The following DDX42 variants were observed in gnomAD, a reference collection of about 807,000 sequenced individuals.
DDX42 encodes the protein DEAD-box helicase 42, also known as ATP-dependent RNA helicase DDX42.
A neutral mutation model predicts 101.5 loss-of-function variants in DDX42; 22 were observed. The ratio of observed to expected loss-of-function variants is 0.22; its 90% CI spans 0.15 to 0.31. The LOEUF (loss-of-function observed/expected upper bound fraction) is 0.31. DDX42 is among the 10% of genes least tolerant of loss of function. The probability of loss-of-function intolerance (pLI) is 1.00; values close to 1 mark genes in which losing one functional copy is unlikely to be tolerated. For missense variants in DDX42, 849 were observed against 1,199.9 expected (o/e 0.71, Z 4.32); for synonymous variants, 402 against 401.2 (o/e 1.00, Z -0.02).
intron 3 of DDX42, among the ~76,000 whole-genome samples, chr17:63,794,874 T>A (rs945120753): frequency 2.0e-5 from 3 of 151,052 alleles, no homozygotes; most frequent in Non-Finnish European, 2.9e-5. Context: ...AGGCAGAGGT[T>A]ATAGTGAACC....
At chr17:63,804,057 C>A (rs2039807971) in intron 6 of DDX42, among the ~76,000 whole-genome samples, 3 of 151,968 alleles carry the variant, frequency 2.0e-5, no homozygotes, top group South Asian at 2.1e-4. Flanking sequence ...TGTGAAAATA[C>A]AATAGTGTCA....
chr17:63,806,606 C>T lies in DDX42; in HGVS notation c.798C>T (p.His266=), dbSNP rs112259740. ...TTGGGTTTGACGAACAACTTATGCA[C>T]CAGATTCGGAAATCTGAATACACAC... is the stretch of plus-strand genomic sequence containing the variant. ...AHFGFDEQLM[H]QIRKSEYTQP... The change falls in exon 8 of 18, where the codon CAC becomes CAT. Residue 266 remains histidine, a synonymous_variant. Transcript: ENST00000389924. The T allele has an allele frequency of 1.0e-3, 1,644 of 1,613,334 alleles. 17 individuals are homozygous for T. In the African/African-American group the frequency reaches 0.019, roughly 19 times the overall value.
At chr17:63,798,554 A>T (rs2039721534) in intron 4 of DDX42, among the ~76,000 whole-genome samples, 1 of 152,128 alleles carries the variant, frequency 6.6e-6, no homozygotes, top group South Asian at 2.1e-4. Flanking sequence ...ACTCATGGGG[A>T]TTTTTTTCAA....
At chr17:63,802,157 T>C (rs2039778612) in intron 6 of DDX42, among the ~76,000 whole-genome samples, 2 of 152,232 alleles carry the variant, frequency 1.3e-5, no homozygotes, top group Admixed American at 1.3e-4. Flanking sequence ...AGTAGGCGTA[T>C]TCTCTGTTCT....
At chr17:63,813,191 A>G (rs763856714) in intron 14 of DDX42, 37 bp from the exon 15 acceptor site, 1 of 1,550,436 alleles carries the variant, frequency 6.4e-7, no homozygotes, top group Admixed American at 1.8e-5. Context: ...CTGACTACAG[A>G]TGAAGAATAA....
At chr17:63,798,479 A>C (rs1435465421) in intron 4 of DDX42, among the ~76,000 whole-genome samples, 1 of 152,246 alleles carries the variant, frequency 6.6e-6, no homozygotes, top group East Asian at 1.9e-4. Context: ...AGTAATGGCA[A>C]CTGTATCATG....
intron 6 of DDX42, among the ~76,000 whole-genome samples, chr17:63,803,327 G>T (rs1417008865): frequency 5.3e-5 from 8 of 151,994 alleles, no homozygotes; most frequent in Admixed American, 3.9e-4. Flanking sequence ...GGTGGCTCAT[G>T]CCTGTAATTC....
intron 1 of DDX42, among the ~76,000 whole-genome samples, chr17:63,780,409 A>C (rs969865592): frequency 6.6e-6 from 1 of 152,216 alleles, no homozygotes; most frequent in African/African-American, 2.4e-5. Context: ...GCTAGATAAC[A>C]AGGTTTGTAG....
intron 1 of DDX42, among the ~76,000 whole-genome samples, chr17:63,782,751 T>C (rs969251657): frequency 1.3e-5 from 2 of 152,202 alleles, no homozygotes; most frequent in Non-Finnish European, 2.9e-5. Context: ...CTACTTTCCT[T>C]GCCTCTACCA....
chr17:63,778,244 G>T (rs1295162268), intron 1 of DDX42, among the ~76,000 whole-genome samples: 6 of 152,162 alleles, frequency 3.9e-5, no homozygotes, highest in African/African-American at 1.4e-4. Flanking sequence ...TTACTAAACA[G>T]AATCACTTCT....
At chr17:63,804,583 A>G (rs1159378430) in intron 6 of DDX42, among the ~76,000 whole-genome samples, 1 of 152,230 alleles carries the variant, frequency 6.6e-6, no homozygotes, top group East Asian at 1.9e-4. Flanking sequence ...ATATGGTGAA[A>G]TATCTTCTCT....
intron 14 of DDX42, 82 bp downstream of exon 14, chr17:63,812,290 G>C: frequency 6.7e-7 from 1 of 1,498,308 alleles, no homozygotes; most frequent in Non-Finnish European, 8.9e-7. Context: ...TATAATATCT[G>C]AGCAGGCTGA....
chr17:63,790,400 G>T (rs2039612212), intron 2 of DDX42, among the ~76,000 whole-genome samples: 1 of 152,130 alleles, frequency 6.6e-6, no homozygotes, highest in Admixed American at 6.6e-5. Context: ...CGAGGTGGGT[G>T]TATCACTTGA....
Position 63,803,275 on chromosome 17 carries a change from G to A in DDX42, c.622-1796G>A, listed in dbSNP as rs539194429. 3.7e-4 allele frequency among the ~76,000 whole-genome samples: 56 copies of A among 152,228 alleles called. 1 individual carries two copies. Among genetic ancestry groups the A allele is most frequent in the African/African-American group, 1.3e-3 (56 of 41,550 alleles). The stretch of plus-strand genomic sequence containing the variant: ...CTTTTAGGAAATGACCACTTGTCAA[G>A]TTTTAGTGTAAAATAAAAAGTATCT... On this transcript the variant is annotated intron_variant, in intron 6 of 17. Coordinates refer to ENST00000389924, the MANE Select transcript of DDX42 (RefSeq NM_203499.3).
chr17:63,797,622 C>T (rs931085985), intron 3 of DDX42, among the ~76,000 whole-genome samples: 4 of 152,158 alleles, frequency 2.6e-5, no homozygotes, highest in Admixed American at 6.5e-5. Flanking sequence ...CCAGATGTTG[C>T]CTAGGGGCAA....
intron 15 of DDX42, among the ~76,000 whole-genome samples, chr17:63,814,389 A>T (rs145237680): frequency 1.6e-4 from 24 of 152,320 alleles, no homozygotes; most frequent in African/African-American, 5.3e-4. Context: ...ACCCAGCTGC[A>T]ATGTGGCAGT....
chr17:63,815,557 A>C lies in DDX42; in HGVS notation c.1903-6A>C, dbSNP rs770853176. 8.1e-6 allele frequency: 13 copies of C among 1,609,964 alleles called. No homozygotes were observed. The Admixed American group carries it at 1.8e-4, about 23-fold the overall frequency. ...TTGACTTAACCTTGAATTTTGTTCAATGCAGAATGCCTGGTTTCGGAAATC... is the reference window on the plus strand; with the variant it reads ...TTGACTTAACCTTGAATTTTGTTCACTGCAGAATGCCTGGTTTCGGAAATC... On this transcript the variant is annotated splice_polypyrimidine_tract_variant and splice_region_variant and intron_variant, in intron 15 of 17. Transcript: ENST00000389924.
At chr17:63,809,689 C>T (rs972760677) in intron 11 of DDX42, 30 bp downstream of exon 11, 1 of 1,566,046 alleles carries the variant, frequency 6.4e-7, no homozygotes, top group Middle Eastern at 1.7e-4. Flanking sequence ...TTCTTCTGTC[C>T]CCATCCTCAT....
chr17:63,781,269 G>A (rs948012857), intron 1 of DDX42, among the ~76,000 whole-genome samples: 2 of 152,154 alleles, frequency 1.3e-5, no homozygotes, highest in Non-Finnish European at 2.9e-5. Context: ...CCAGGCTGGA[G>A]TGTAGTAGCC....
Sources: gnomAD v4.1 joint callset for allele counts (sites outside exome capture counted in the v4.1 genomes callset) on GRCh38, gnomAD v4.1.1 for gene constraint, MANE v1.5 for transcripts, NCBI Gene and HGNC (gene_info 2026-07-23, HGNC 2026-07-21) for gene names.